Variants in AGPAT4 observed in about 807,000 individuals in gnomAD.
AGPAT4 encodes 1-acylglycerol-3-phosphate O-acyltransferase 4, also known as 1-acyl-sn-glycerol-3-phosphate acyltransferase delta.
Under a neutral mutation model 48.0 loss-of-function variants are expected in AGPAT4, and 15 were observed. The ratio of observed to expected loss-of-function variants is 0.31; its 90% CI spans 0.21 to 0.48. AGPAT4 has a LOEUF of 0.48. Among genes scored for constraint, AGPAT4 ranks in the 20% least tolerant of loss-of-function variants. The probability of loss-of-function intolerance (pLI) is 0.99; values close to 1 mark genes in which losing one functional copy is unlikely to be tolerated. For missense variants in AGPAT4, 314 were observed against 482.5 expected, an observed-to-expected ratio of 0.65 and a Z score of 3.27; for synonymous variants, 178 against 198.7, an observed-to-expected ratio of 0.90 and a Z score of 0.88.
At chr6:161,213,549 G>T (rs1175727389) in intron 2 of AGPAT4, among the ~76,000 whole-genome samples, 1 of 151,818 alleles carries the variant, frequency 6.6e-6, no homozygotes, top group African/African-American at 2.4e-5. Flanking sequence ...TCCTAATTTG[G>T]AGTCACTGAA....
intron 5 of AGPAT4, among the ~76,000 whole-genome samples, chr6:161,150,627 G>A (rs1327382823): frequency 6.6e-6 from 1 of 152,204 alleles, no homozygotes; most frequent in African/African-American, 2.4e-5. Context: ...CTGCTGCCCT[G>A]CAGGAGAGCC....
At chr6:161,239,967 T>A (rs1408684572) in intron 1 of AGPAT4, among the ~76,000 whole-genome samples, 1 of 152,188 alleles carries the variant, frequency 6.6e-6, no homozygotes, top group East Asian at 1.9e-4. Context: ...CAACCACTAC[T>A]GTTTCCAATG....
At position 161,197,481 on chromosome 6, in the gene AGPAT4, C is replaced by T. The variant is rs1227230371; in HGVS notation, c.179-31064G>A. Among the ~76,000 whole-genome samples, 1 of 152,078 alleles carries T rather than the reference C, an allele frequency of 6.6e-6. No homozygotes were observed. The highest frequency in any genetic ancestry group is 1.5e-5 in the Non-Finnish European group (1 of 68,006). Reference sequence around the variant, plus strand: ...CTTCCACAGTGATAGCTGCCTCTTCCGACTCCCAAATGCTCCCAATGCACC... The same window carrying T: ...CTTCCACAGTGATAGCTGCCTCTTCTGACTCCCAAATGCTCCCAATGCACC... On this transcript the variant is annotated intron_variant, in intron 2 of 8. Transcript: ENST00000320285. The surrounding 1 kb of genome is among the most constrained non-coding windows in gnomAD (Gnocchi z 5.7).
rs563086911 is a variant in AGPAT4 at position 161,161,671 on chromosome 6, G to C, written c.348+4577C>G. The C allele has an allele frequency of 3.4e-5, 12 of 358,164 alleles. No individual in the cohort carries two copies. Among genetic ancestry groups the C allele is most frequent in the African/African-American group, 2.6e-4 (12 of 46,996 alleles). 22.2% of individuals were successfully genotyped at this position (358,164 alleles called of 1,614,324 possible). A position where few individuals can be genotyped will look rare whatever the true frequency, so the allele number is the denominator to read the frequency against. Reference sequence around the variant, plus strand: ...CTTCTAACTTCTCTTCAGCCAAAGAGCCCTTGACAAGTGCATGTGTATGAA... The same window carrying C: ...CTTCTAACTTCTCTTCAGCCAAAGACCCCTTGACAAGTGCATGTGTATGAA... On this transcript the variant is annotated intron_variant, in intron 3 of 8. Transcript: ENST00000320285. This position sits in a 1 kb window ranked among gnomAD's most constrained non-coding sequence, Gnocchi z 4.6.
intron 1 of AGPAT4, among the ~76,000 whole-genome samples, chr6:161,258,835 C>T (rs539082573): frequency 1.6e-4 from 24 of 149,656 alleles, no homozygotes; most frequent in Non-Finnish European, 3.1e-4. Flanking sequence ...CTCACTCTAT[C>T]GCCCAGGCTG....
chr6:161,227,764 AT>A (rs1782022103), intron 2 of AGPAT4, among the ~76,000 whole-genome samples: 1 of 152,260 alleles, frequency 6.6e-6, no homozygotes, highest in South Asian at 2.1e-4. Flanking sequence ...AACAGATATC[AT>A]TTTCACCACT....
At chr6:161,181,401 G>A (rs980822817) in intron 2 of AGPAT4, among the ~76,000 whole-genome samples, 2 of 151,414 alleles carry the variant, frequency 1.3e-5, no homozygotes, top group Admixed American at 6.6e-5. Flanking sequence ...TCCCCACTCT[G>A]TCCCCTCTTC....
intron 2 of AGPAT4, among the ~76,000 whole-genome samples, chr6:161,168,142 G>A (rs993061562): frequency 5.9e-5 from 9 of 151,980 alleles, no homozygotes; most frequent in Admixed American, 5.9e-4. Flanking sequence ...TGGGGGGCTA[G>A]GGTAACAACA....
At position 161,139,871 on chromosome 6, in the gene AGPAT4, G is replaced by GT. The variant is rs1360797961; in HGVS notation, c.844-252dup. Among the ~76,000 whole-genome samples the GT allele has an allele frequency of 1.3e-5, 2 of 152,244 alleles. No individual in the cohort carries two copies. The highest frequency in any genetic ancestry group is 1.3e-4 in the Admixed American group (2 of 15,292). Reference sequence around the variant, plus strand: ...CTGCAGCTGTCACTGAGTGCAGGGCGTGGAGCATGAACCCTGGCGCCAGGC... The same window carrying GT: ...CTGCAGCTGTCACTGAGTGCAGGGCGTTGGAGCATGAACCCTGGCGCCAGGC... On this transcript the variant is annotated intron_variant, in intron 7 of 8. Transcript: ENST00000320285. This position sits in a 1 kb window ranked among gnomAD's most constrained non-coding sequence, Gnocchi z 9.1.
Position 161,146,589 on chromosome 6 carries a change from G to C in AGPAT4, c.778C>G (p.Leu260Val). The C allele has an allele frequency of 6.2e-7, 1 of 1,614,112 alleles. No homozygotes were observed. Residue 260 changes from leucine to valine, a missense_variant, in exon 7 of 9, where the codon CTG (leucine) becomes GTG (valine). By Grantham distance (32) the Leu-to-Val change is conservative. Coordinates refer to ENST00000320285, the MANE Select transcript of AGPAT4 (RefSeq NM_020133.3). The surrounding 1 kb of genome is among the most constrained non-coding windows in gnomAD (Gnocchi z 7.1). The stretch of plus-strand genomic sequence containing the variant: ...TCATCGTCTTCAGGGATGTCTTCCA[G>C]TGGGATCCTCCTGCAAAGGCAGAGA... ...HADLYVRRIPLEDIPEDDDEC... is the reference protein window; with the variant it reads ...HADLYVRRIPVEDIPEDDDEC...
chr6:161,153,750 C>T (rs184053884), intron 4 of AGPAT4, among the ~76,000 whole-genome samples: 2 of 148,262 alleles, frequency 1.3e-5, no homozygotes, highest in African/African-American at 2.5e-5. Context: ...CATATGGCCA[C>T]ACGATCACAC....
In AGPAT4 at chr6:161,142,508, C is replaced by T. The variant is rs1045542562; in HGVS notation, c.844-2888G>A. On this transcript the variant is annotated intron_variant, in intron 7 of 8. Coordinates refer to ENST00000320285, the MANE Select transcript of AGPAT4 (RefSeq NM_020133.3). The surrounding 1 kb of genome is among the most constrained non-coding windows in gnomAD (Gnocchi z 6.4). ...ATCAACCTACAAGCCAAGAGGAGAA[C>T]GAGATCCTATTGAGAGGCGGCAGAT... Among the ~76,000 whole-genome samples, 2 of 152,108 alleles carry T rather than the reference C, an allele frequency of 1.3e-5. No homozygotes were observed. Among genetic ancestry groups the T allele is most frequent in the South Asian group, 4.2e-4 (2 of 4,818 alleles).
chr6:161,138,881 G>T lies in AGPAT4; in HGVS notation c.1042+541C>A, dbSNP rs1400623788. Among the ~76,000 whole-genome samples, 1 of 152,104 alleles carries T rather than the reference G, an allele frequency of 6.6e-6. No homozygotes were observed. Among genetic ancestry groups the T allele is most frequent in the Non-Finnish European group, 1.5e-5 (1 of 68,022 alleles). On this transcript the variant is annotated intron_variant, in intron 8 of 8. Transcript: ENST00000320285. This position sits in a 1 kb window ranked among gnomAD's most constrained non-coding sequence, Gnocchi z 4.8. ...CAAGGAGCAGGGTGCACAGGGGCTT[G>T]CCACCAAGAAGCAGCAGTAGCCCGA...
Position 161,219,916 on chromosome 6 carries a change from CGGCAGGCA to C in AGPAT4, c.178+12112_178+12119del, listed in dbSNP as rs71558034. 5.7e-5 allele frequency among the ~76,000 whole-genome samples: 6 copies of C among 106,036 alleles called. No homozygotes were observed. Among genetic ancestry groups the C allele is most frequent in the East Asian group, 2.8e-4 (1 of 3,600 alleles). 69.6% of individuals were successfully genotyped at this position (106,036 alleles called of 152,430 possible). A position where few individuals can be genotyped will look rare whatever the true frequency, so the allele number is the denominator to read the frequency against. ...GCAGGCAGGCAGGCAGGCAGGCAGG[CGGCAGGCA>C]GGCAGGCAGGCAGGCAGGCAGGCAG... On this transcript the variant is annotated intron_variant, in intron 2 of 8. Coordinates refer to ENST00000320285, the MANE Select transcript of AGPAT4 (RefSeq NM_020133.3). This position sits in a 1 kb window ranked among gnomAD's most constrained non-coding sequence, Gnocchi z 4.9.
Position 161,227,706 on chromosome 6 carries a change from T to C in AGPAT4, c.178+4330A>G, listed in dbSNP as rs577118514. Reference sequence around the variant, plus strand: ...CTCGAGTAGCAAATCTGAAGTGACTTACACATCCTGAAGTATGTTACAAAT... The same window carrying C: ...CTCGAGTAGCAAATCTGAAGTGACTCACACATCCTGAAGTATGTTACAAAT... On this transcript the variant is annotated intron_variant, in intron 2 of 8. Coordinates refer to ENST00000320285, the MANE Select transcript of AGPAT4 (RefSeq NM_020133.3). Among the ~76,000 whole-genome samples the C allele has an allele frequency of 4.3e-4, 65 of 152,292 alleles. 1 individual carries two copies. The highest frequency in any genetic ancestry group is 3.1e-3 in the Admixed American group (48 of 15,300).
rs920176127 is a variant in AGPAT4, at chr6:161,195,812, A to G, written c.179-29395T>C. On this transcript the variant is annotated intron_variant, in intron 2 of 8. Coordinates refer to ENST00000320285, the MANE Select transcript of AGPAT4 (RefSeq NM_020133.3). The surrounding 1 kb of genome is among the most constrained non-coding windows in gnomAD (Gnocchi z 5.0). Reference sequence around the variant, plus strand: ...GCTCGTCACACAGGCATGGCTCTACACTGCTCTCTGGGGCAGGTGTCAGGG... The same window carrying G: ...GCTCGTCACACAGGCATGGCTCTACGCTGCTCTCTGGGGCAGGTGTCAGGG... Among the ~76,000 whole-genome samples the G allele has an allele frequency of 1.3e-5, 2 of 152,184 alleles. No homozygotes were observed. Among genetic ancestry groups the G allele is most frequent in the African/African-American group, 4.8e-5 (2 of 41,452 alleles).
chr6:161,224,748 T>C (rs1781927326), intron 2 of AGPAT4, among the ~76,000 whole-genome samples: 1 of 152,046 alleles, frequency 6.6e-6, no homozygotes, highest in Non-Finnish European at 1.5e-5. Flanking sequence ...ACGCAATGCC[T>C]GACACATATT....
rs1177200765 is a variant in AGPAT4 at position 161,215,698 on chromosome 6, C to T, written c.178+16338G>A. On this transcript the variant is annotated intron_variant, in intron 2 of 8. Coordinates refer to ENST00000320285, the MANE Select transcript of AGPAT4 (RefSeq NM_020133.3). The surrounding 1 kb of genome is among the most constrained non-coding windows in gnomAD (Gnocchi z 4.5). ...CTTGAACCACACAGTAGAATAACCT[C>T]CCTTACCATAAAAAAAAAAAAAAAG... Among the ~76,000 whole-genome samples, 1 of 150,526 alleles carries T rather than the reference C, an allele frequency of 6.6e-6. No individual in the cohort carries two copies. The highest frequency in any genetic ancestry group is 1.5e-5 in the Non-Finnish European group (1 of 67,580).
Position 161,155,872 on chromosome 6 carries a change from G to A in AGPAT4, c.349-1562C>T, listed in dbSNP as rs759612737. ...TTGAAGGAGCTATAAATGATGATTGGTTCTGCAGCCAGGAAGGGGCCACAG... is the reference window on the plus strand; with the variant it reads ...TTGAAGGAGCTATAAATGATGATTGATTCTGCAGCCAGGAAGGGGCCACAG... On this transcript the variant is annotated intron_variant, in intron 3 of 8. Transcript: ENST00000320285. This position sits in a 1 kb window ranked among gnomAD's most constrained non-coding sequence, Gnocchi z 5.8. 2.6e-5 allele frequency among the ~76,000 whole-genome samples: 4 copies of A among 152,230 alleles called. No individual in the cohort carries two copies. The highest frequency in any genetic ancestry group is 5.9e-5 in the Non-Finnish European group (4 of 68,044).
Sources: gnomAD v4.1 joint callset for allele counts (sites outside exome capture counted in the v4.1 genomes callset) on GRCh38, gnomAD v4.1.1 for gene constraint, Gnocchi (gnomAD v3.1) non-coding constraint, MANE v1.5 for transcripts, NCBI Gene and HGNC (gene_info 2026-07-23, HGNC 2026-07-21) for gene names.